Variants in RIOK2 observed in about 807,000 individuals in gnomAD.
RIOK2 encodes the protein serine/threonine-protein kinase RIO2.
RIOK2 carries 46 observed loss-of-function variants against 62.4 expected under a neutral mutation model. The observed-to-expected ratio is 0.74, with a 90% confidence interval of 0.58 to 0.94. The LOEUF (loss-of-function observed/expected upper bound fraction) is 0.94, where lower values mean the gene tolerates loss of function less well. RIOK2 is among the 40% of genes least tolerant of loss of function. RIOK2 has a pLI of 0.00. For missense variants in RIOK2, 574 were observed against 658.0 expected (o/e 0.87, Z 1.40); for synonymous variants, 197 against 216.0 (o/e 0.91, Z 0.77).
intron 1 of RIOK2, among the ~76,000 whole-genome samples, chr5:97,181,100 C>T (rs1561522880): frequency 1.3e-5 from 2 of 151,670 alleles, no homozygotes; most frequent in African/African-American, 4.8e-5. Context: ...GGTGAAACCC[C>T]ATCTCTACTA....
rs1291431012 is a variant in RIOK2 at position 97,167,576 on chromosome 5, C to T, written c.1288G>A (p.Asp430Asn). Residue 430 changes from aspartate (D) to asparagine (N), a missense_variant, in exon 8 of 10, where the codon GAT (aspartate) becomes AAT (asparagine). Physicochemically the swap from Asp to Asn is conservative, Grantham distance 23. Coordinates refer to ENST00000283109, the MANE Select transcript of RIOK2 (RefSeq NM_018343.3). ...ACTCCTCCTTGAACTCTCTGACCAT[C>T]TTGCCTGTTGTAATTTTCAGTTCTG... is the stretch of plus-strand genomic sequence containing the variant. ...KNRTENYNRQ[D>N]GQRVQGGVPA... 6.2e-7 allele frequency: 1 copy of T among 1,614,106 alleles called. No individual in the cohort carries two copies. The highest frequency in any genetic ancestry group is 8.5e-7 in the Non-Finnish European group (1 of 1,180,030).
intron 7 of RIOK2, among the ~76,000 whole-genome samples, 158 bp downstream of exon 7, chr5:97,168,602 G>T (rs1748909831): frequency 6.6e-6 from 1 of 151,984 alleles, no homozygotes; most frequent in Admixed American, 6.5e-5. Flanking sequence ...GTATTTTCAA[G>T]TTTTTAAGTT....
intron 3 of RIOK2, 68 bp from the exon 4 acceptor site, chr5:97,177,359 T>C: frequency 7.5e-7 from 1 of 1,339,142 alleles, no homozygotes; most frequent in Non-Finnish European, 1.0e-6. Context: ...CAATTCTAAC[T>C]TTCTCTAATT....
chr5:97,176,810 C>T (rs1223545474), intron 4 of RIOK2, among the ~76,000 whole-genome samples: 2 of 152,172 alleles, frequency 1.3e-5, no homozygotes, highest in East Asian at 3.8e-4. Flanking sequence ...GATATATATA[C>T]ATCCACACAT....
chr5:97,170,678 G>A (rs1354633476), intron 6 of RIOK2, among the ~76,000 whole-genome samples: 1 of 152,148 alleles, frequency 6.6e-6, no homozygotes, highest in Non-Finnish European at 1.5e-5. Flanking sequence ...TTACAACAGA[G>A]AAATTCAAAT....
Position 97,171,211 on chromosome 5 carries a change from A to G in RIOK2, c.774T>C (p.Ala258=), listed in dbSNP as rs752480846. ...AAAAAATAGCAAGTACGTACCACTC[A>G]GCATTGGGATGAGAAGTTGAAACCA... ...PQMVSTSHPN[A]EWYFDRDVKC... The change falls in exon 6 of 10, where the codon GCT becomes GCC. Residue 258 remains alanine (A), a synonymous_variant. Coordinates refer to ENST00000283109, the MANE Select transcript of RIOK2 (RefSeq NM_018343.3). 3 of 1,509,606 alleles carry G rather than the reference A, an allele frequency of 2.0e-6. No individual in the cohort carries two copies. The highest frequency in any genetic ancestry group is 2.7e-6 in the Non-Finnish European group (3 of 1,128,024). 93.5% of individuals were successfully genotyped at this position (1,509,606 alleles called of 1,614,324 possible).
At chr5:97,171,646 C>A (rs905160055) in intron 5 of RIOK2, among the ~76,000 whole-genome samples, 1 of 152,154 alleles carries the variant, frequency 6.6e-6, no homozygotes, top group African/African-American at 2.4e-5. Context: ...TCTACATGTG[C>A]TTTTCCAATT....
At position 97,163,159 on chromosome 5, in the gene RIOK2, A is replaced by G. The variant is rs10037862; in HGVS notation, c.1561T>C (p.Leu521=). 1,454 of 1,613,744 alleles carry G rather than the reference A, an allele frequency of 9.0e-4. 10 individuals carry two copies. The African/African-American group carries it at 0.016, about 18-fold the overall frequency. Residue 521 remains leucine (L), a synonymous_variant, in exon 10 of 10, where the codon TTG becomes CTG. Coordinates refer to ENST00000283109, the MANE Select transcript of RIOK2 (RefSeq NM_018343.3). ...KQQKSAVRRR[L]QKGEANIFTK... Reference sequence around the variant, plus strand: ...AATATATTTGCTTCTCCTTTCTGCAATCGACGTCTGACAGCTGATTTTTGC... The same window carrying G: ...AATATATTTGCTTCTCCTTTCTGCAGTCGACGTCTGACAGCTGATTTTTGC...
chr5:97,167,116 C>T, intron 8 of RIOK2: 1 of 724,320 alleles, frequency 1.4e-6, no homozygotes, highest in South Asian at 4.5e-5. Flanking sequence ...AGGGTTTTGC[C>T]ATGTTGGCCT....
chr5:97,164,607 A>G (rs1748794856), intron 9 of RIOK2, among the ~76,000 whole-genome samples: 1 of 152,194 alleles, frequency 6.6e-6, no homozygotes, highest in South Asian at 2.1e-4. Context: ...TACACACCTT[A>G]TAATCCTCAC....
intron 1 of RIOK2, among the ~76,000 whole-genome samples, chr5:97,180,150 A>ATATGTATATG (rs1749361095): frequency 7.8e-6 from 1 of 127,404 alleles, no homozygotes; most frequent in Non-Finnish European, 1.6e-5. Flanking sequence ...ATGTATATAT[A>ATATGTATATG]TATATATATA....
intron 3 of RIOK2, among the ~76,000 whole-genome samples, 179 bp downstream of exon 3, chr5:97,177,553 G>A (rs931977102): frequency 2.0e-5 from 3 of 152,092 alleles, no homozygotes; most frequent in African/African-American, 7.2e-5. Context: ...AGTGATAGAC[G>A]TTCAGAGAAA....
At chr5:97,173,307 A>T in intron 4 of RIOK2, 44 bp from the exon 5 acceptor site, 1 of 1,217,728 alleles carries the variant, frequency 8.2e-7, no homozygotes, top group Non-Finnish European at 1.2e-6. Flanking sequence ...ACAGGTCATT[A>T]CTCTTTAAAG....
chr5:97,181,556 T>G (rs1278967542), intron 1 of RIOK2, among the ~76,000 whole-genome samples: 11 of 152,108 alleles, frequency 7.2e-5, no homozygotes, highest in African/African-American at 2.7e-4. Flanking sequence ...CAAGAAAGGG[T>G]ACCAACACTG....
chr5:97,180,194 T>C (rs867817199), intron 1 of RIOK2, among the ~76,000 whole-genome samples: 2 of 127,690 alleles, frequency 1.6e-5, no homozygotes, highest in African/African-American at 5.8e-5. Context: ...TTTTATCTCA[T>C]GATGGAAATT....
chr5:97,177,096 C>A lies in RIOK2; in HGVS notation c.498+20G>T. 1 of 1,599,200 alleles carries A rather than the reference C, an allele frequency of 6.3e-7. No homozygotes were observed. Among genetic ancestry groups the A allele is most frequent in the Non-Finnish European group, 8.5e-7 (1 of 1,174,552 alleles). ...TATTATTTGGCTAAAAAATGCATGA[C>A]TACAAAATAAAATAAATACCTTCAT... On this transcript the variant is annotated intron_variant, in intron 4 of 9. Transcript: ENST00000283109.
chr5:97,182,360 G>T (rs1319814349), intron 1 of RIOK2, among the ~76,000 whole-genome samples: 1 of 152,116 alleles, frequency 6.6e-6, no homozygotes, highest in African/African-American at 2.4e-5. Flanking sequence ...TCTCTTCAAA[G>T]ACTTTTCTGT....
chr5:97,168,654 C>A (rs1001930198), intron 7 of RIOK2, 106 bp downstream of exon 7: 2 of 629,116 alleles, frequency 3.2e-6, no homozygotes, highest in African/African-American at 1.9e-5. Context: ...ACAGTGATTA[C>A]GTGTCAAAAT....
At chr5:97,168,926 C>A in intron 6 of RIOK2, 74 bp from the exon 7 acceptor site, 1 of 818,040 alleles carries the variant, frequency 1.2e-6, no homozygotes, top group South Asian at 2.2e-5. Context: ...TGACAATATA[C>A]TTATTGGTTA....
Sources: gnomAD v4.1 joint callset for allele counts (sites outside exome capture counted in the v4.1 genomes callset) on GRCh38, gnomAD v4.1.1 for gene constraint, MANE v1.5 for transcripts, NCBI Gene and HGNC (gene_info 2026-07-23, HGNC 2026-07-21) for gene names.